Variants in KIAA1958 observed in about 807,000 individuals in gnomAD.
The protein encoded by KIAA1958 is KIAA1958, also known as uncharacterized protein KIAA1958.
In KIAA1958, 14 loss-of-function variants were observed where a neutral mutation model predicts 47.2. That is an observed-to-expected ratio of 0.30 (90% confidence interval 0.20 to 0.46). KIAA1958 has a LOEUF of 0.46. Ranked by LOEUF, KIAA1958 falls within the 20% of genes least tolerant of loss-of-function variation. The pLI is 1.00. For missense variants in KIAA1958, 803 were observed against 909.2 expected (o/e 0.88, Z 1.50); for synonymous variants, 354 against 353.3 (o/e 1.00, Z -0.02).
intron 2 of KIAA1958, among the ~76,000 whole-genome samples, chr9:112,620,236 A>G (rs1013526906): frequency 3.3e-5 from 5 of 152,228 alleles, no homozygotes; most frequent in Admixed American, 3.3e-4. Context: ...TAGAGCCACA[A>G]TAAAGCTGAG....
At chr9:112,490,848 A>G (rs1833956260) in intron 1 of KIAA1958, among the ~76,000 whole-genome samples, 1 of 152,220 alleles carries the variant, frequency 6.6e-6, no homozygotes, top group Admixed American at 6.5e-5. Context: ...GAAACATGTT[A>G]TTACACTTGA....
At chr9:112,527,612 T>C (rs1834680055) in intron 1 of KIAA1958, among the ~76,000 whole-genome samples, 1 of 152,114 alleles carries the variant, frequency 6.6e-6, no homozygotes, top group Admixed American at 6.6e-5. Context: ...GGGAATTGTT[T>C]GAAGGGGTCA....
At position 112,574,647 on chromosome 9, in the gene KIAA1958, G is replaced by T; in HGVS notation, c.567G>T (p.Gln189His). ...PSSLHSSSQT[Q>H]MVDECSNDVI... ...CCCTCCATTCAAGCTCCCAGACGCA[G>T]ATGGTTGACGAATGCAGCAATGATG... The change falls in exon 2 of 4, where the codon CAG becomes CAT. Residue 189 changes from glutamine to histidine, a missense_variant. This residue lies in a region of KIAA1958 where 761 missense variants were observed against 829.3 expected (regional missense o/e 0.92). Transcript: ENST00000337530. 6.2e-7 allele frequency: 1 copy of T among 1,614,188 alleles called. No individual in the cohort carries two copies. The highest frequency in any genetic ancestry group is 8.5e-7 in the Non-Finnish European group (1 of 1,180,028).
intron 1 of KIAA1958, among the ~76,000 whole-genome samples, chr9:112,571,214 T>C (rs1835528149): frequency 6.6e-6 from 1 of 152,246 alleles, no homozygotes; most frequent in African/African-American, 2.4e-5. Context: ...TCCAGTCAAA[T>C]TGACACCTGA....
intron 2 of KIAA1958, among the ~76,000 whole-genome samples, chr9:112,590,843 GATTGA>G: frequency 6.6e-6 from 1 of 152,202 alleles, no homozygotes. Context: ...TAATGTGATT[GATTGA>G]TTAAGGAAGT....
rs1837390426 is a variant in KIAA1958, at chr9:112,669,286, G to A, written c.*9217G>A. The A allele has an allele frequency of 6.6e-6, 1 of 152,186 alleles. No homozygotes were observed. The highest frequency in any genetic ancestry group is 1.5e-5 in the Non-Finnish European group (1 of 68,032). 9.4% of individuals were successfully genotyped at this position (152,186 alleles called of 1,614,324 possible). ...CCAGTAGTCTGTTAACAATTTGTAA[G>A]GACCTGGGTTATATTTTAAAGGTGG... On this transcript the variant is annotated 3_prime_UTR_variant, in exon 4 of 4. Transcript: ENST00000337530.
intron 1 of KIAA1958, among the ~76,000 whole-genome samples, chr9:112,492,189 T>C (rs1165242036): frequency 2.6e-5 from 4 of 152,232 alleles, no homozygotes; most frequent in African/African-American, 4.8e-5. Context: ...ATTTATTTTC[T>C]GACAATTCTG....
intron 1 of KIAA1958, among the ~76,000 whole-genome samples, chr9:112,526,324 G>A (rs1834650975): frequency 6.6e-6 from 1 of 151,896 alleles, no homozygotes; most frequent in Non-Finnish European, 1.5e-5. Flanking sequence ...CACTGTCTCG[G>A]CACACTGCAC....
intron 2 of KIAA1958, among the ~76,000 whole-genome samples, chr9:112,612,333 A>C (rs1836341072): frequency 6.6e-6 from 1 of 152,144 alleles, no homozygotes; most frequent in Non-Finnish European, 1.5e-5. Context: ...GCTTGAACCC[A>C]GGAGGACAAG....
At chr9:112,591,899 G>T (rs112170225) in intron 2 of KIAA1958, among the ~76,000 whole-genome samples, 2 of 152,142 alleles carry the variant, frequency 1.3e-5, no homozygotes, top group African/African-American at 4.8e-5. Flanking sequence ...TCTATAGAAG[G>T]GTGCCCCCTT....
chr9:112,593,839 TTTTTGTTTTGTTTTG>T (rs10627875), intron 2 of KIAA1958, among the ~76,000 whole-genome samples: 10 of 147,958 alleles, frequency 6.8e-5, no homozygotes, highest in South Asian at 4.3e-4. Flanking sequence ...ACTTGTCTGT[TTTTTGTTTTGTTTTG>T]TTTTGTTTTG....
intron 1 of KIAA1958, among the ~76,000 whole-genome samples, chr9:112,567,959 CAAAAAAAA>C (rs35931681): frequency 1.2e-3 from 80 of 66,176 alleles, no homozygotes; most frequent in Admixed American, 2.7e-3. Context: ...GAATCCATCT[CAAAAAAAA>C]AAAAAAAAAA....
intron 2 of KIAA1958, among the ~76,000 whole-genome samples, chr9:112,636,963 C>T (rs1047837240): frequency 6.6e-6 from 1 of 152,016 alleles, no homozygotes; most frequent in African/African-American, 2.4e-5. Flanking sequence ...ATCCCATTTT[C>T]CTCCTCTGTT....
Position 112,524,424 on chromosome 9 carries a change from C to T in KIAA1958, c.-25+37306C>T, listed in dbSNP as rs1309178571. Among the ~76,000 whole-genome samples the T allele has an allele frequency of 7.9e-5, 12 of 152,240 alleles. 1 individual carries two copies. Among genetic ancestry groups the T allele is most frequent in the South Asian group, 6.2e-4 (3 of 4,824 alleles). ...ATGCTATACCTCGGAAAATATGGAG[C>T]GACTGTGACTGAGAAAGCGGCCTTA... On this transcript the variant is annotated intron_variant, in intron 1 of 3. Transcript: ENST00000337530.
chr9:112,655,112 T>C (rs115606935), intron 3 of KIAA1958, among the ~76,000 whole-genome samples: 2,094 of 152,344 alleles, frequency 0.014, 53 homozygotes, highest in African/African-American at 0.046. Context: ...TACACTTCAT[T>C]GTAGTAAGAG....
At chr9:112,519,721 T>C (rs1834505660) in intron 1 of KIAA1958, among the ~76,000 whole-genome samples, 1 of 152,210 alleles carries the variant, frequency 6.6e-6, no homozygotes, top group African/African-American at 2.4e-5. Context: ...TTCCAGCAGA[T>C]ACATATGATT....
At chr9:112,541,351 G>GA (rs35339642) in intron 1 of KIAA1958, among the ~76,000 whole-genome samples, 3 of 150,096 alleles carry the variant, frequency 2.0e-5, no homozygotes, top group South Asian at 2.1e-4. Context: ...AAAATTAAAT[G>GA]AAAAAAAAAA....
Position 112,525,493 on chromosome 9 carries a change from TG to T in KIAA1958, c.-25+38379del, listed in dbSNP as rs1265078096. 5.3e-5 allele frequency among the ~76,000 whole-genome samples: 8 copies of T among 152,358 alleles called. No homozygotes were observed. In the East Asian group the frequency reaches 1.5e-3, roughly 29 times the overall value. On this transcript the variant is annotated intron_variant, in intron 1 of 3. Transcript: ENST00000337530. ...ATTCATAATGGTATGTTCCCAGTAA[TG>T]GGGAAGTAGACTGATTCTGGGGACC...
intron 3 of KIAA1958, among the ~76,000 whole-genome samples, chr9:112,654,930 A>T (rs772965521): frequency 8.5e-5 from 13 of 152,130 alleles, no homozygotes; most frequent in Non-Finnish European, 1.6e-4. Context: ...ATGCATATGG[A>T]TGTGTGTGTA....
Sources: allele counts gnomAD v4.1 joint callset (sites outside exome capture counted in the v4.1 genomes callset), GRCh38; gene constraint gnomAD v4.1.1; regional missense constraint gnomAD v4.1.1; transcripts MANE v1.5; gene names NCBI Gene and HGNC (gene_info 2026-07-23, HGNC 2026-07-21).